The following CERT1 variants were observed in gnomAD, a reference collection of about 807,000 sequenced individuals.
CERT1 encodes the protein ceramide transporter 1.
A neutral mutation model predicts 87.9 loss-of-function variants in CERT1; 31 were observed. The observed-to-expected ratio is 0.35, with a 90% confidence interval of 0.27 to 0.48. CERT1 has a LOEUF of 0.48. Ranked by LOEUF, CERT1 falls within the 20% of genes least tolerant of loss-of-function variation. The pLI is 0.99. For missense variants in CERT1, 487 were observed against 758.0 expected (o/e 0.64, Z 4.20); for synonymous variants, 289 against 250.9 (o/e 1.15, Z -1.44).
chr5:75,507,889 C>T (rs1383117067), intron 1 of CERT1, among the ~76,000 whole-genome samples: 1 of 152,178 alleles, frequency 6.6e-6, no homozygotes, highest in African/African-American at 2.4e-5. Context: ...AGCTGCTCAT[C>T]TTTCCTTCAT....
At chr5:75,437,764 T>G (rs1480935897) in intron 3 of CERT1, among the ~76,000 whole-genome samples, 1 of 132,872 alleles carries the variant, frequency 7.5e-6, no homozygotes, top group Non-Finnish European at 1.6e-5. Context: ...AGACTCTGTC[T>G]CATTAAAAAA....
intron 11 of CERT1, among the ~76,000 whole-genome samples, chr5:75,397,389 A>T (rs2112070233): frequency 6.6e-6 from 1 of 152,316 alleles, no homozygotes; most frequent in South Asian, 2.1e-4. Flanking sequence ...TATTACGAAG[A>T]AGTAAGCTGT....
rs1398914267 is a variant in CERT1, at chr5:75,511,434, C to T, written c.-227G>A. On this transcript the variant is annotated 5_prime_UTR_variant, in exon 1 of 17. Transcript: ENST00000643780. ...GAGCGGTGAAGGAAGCCTACCCTTC[C>T]AGCCGTCAGCCGCCGCCGCCGTCGC... The T allele has an allele frequency of 6.5e-7, 1 of 1,537,892 alleles. No individual in the cohort carries two copies. Among genetic ancestry groups the T allele is most frequent in the East Asian group, 2.5e-5 (1 of 40,678 alleles).
intron 3 of CERT1, among the ~76,000 whole-genome samples, chr5:75,436,401 G>T (rs1050621157): frequency 1.3e-5 from 2 of 152,132 alleles, no homozygotes; most frequent in Admixed American, 6.5e-5. Context: ...ATCATGTTAG[G>T]TCCTTTACCT....
At position 75,384,695 on chromosome 5, in the gene CERT1, G is replaced by C; in HGVS notation, c.1435C>G (p.His479Asp). The change falls in exon 14 of 17, where the codon CAT (histidine) becomes GAT (aspartate). Residue 479 changes from histidine (H) to aspartate (D), a missense_variant. His to Asp is a moderately conservative substitution (Grantham distance 81). Transcript: ENST00000643780. ...TTATCAGCTAATGTTTCCACCACAT[G>C]AAAGTTTTCTATAGTTGCTGAAATG... The part of the protein sequence containing the change: ...NDWETTIENF[H>D]VVETLADNAI... 1 of 1,598,444 alleles carries C rather than the reference G, an allele frequency of 6.3e-7. No homozygotes were observed.
chr5:75,506,632 A>G (rs762963290), intron 1 of CERT1, among the ~76,000 whole-genome samples: 5 of 152,230 alleles, frequency 3.3e-5, no homozygotes, highest in Admixed American at 6.5e-5. Context: ...ATGAAAATTT[A>G]TAACAGCTGT....
chr5:75,501,694 T>C (rs1038936389), intron 2 of CERT1, among the ~76,000 whole-genome samples: 3 of 152,030 alleles, frequency 2.0e-5, no homozygotes, highest in African/African-American at 4.8e-5. Context: ...CTTAAATAAA[T>C]ATGGGACCGT....
chr5:75,403,172 C>T (rs1762567005), intron 8 of CERT1, 114 bp from the exon 9 acceptor site: 1 of 705,302 alleles, frequency 1.4e-6, no homozygotes, highest in Non-Finnish European at 2.5e-6. Context: ...TTATTGAACA[C>T]ATATTTACAA....
At chr5:75,433,755 C>T (rs1713576886) in intron 3 of CERT1, among the ~76,000 whole-genome samples, 1 of 152,154 alleles carries the variant, frequency 6.6e-6, no homozygotes, top group African/African-American at 2.4e-5. Context: ...CTCCTGGTCT[C>T]AAGTGATCCT....
intron 11 of CERT1, among the ~76,000 whole-genome samples, chr5:75,398,463 C>T (rs1256701356): frequency 1.3e-5 from 2 of 152,152 alleles, no homozygotes; most frequent in African/African-American, 4.8e-5. Context: ...TGGGATCATA[C>T]ACCTAACCAG....
intron 12 of CERT1, among the ~76,000 whole-genome samples, chr5:75,386,795 A>T (rs989882005): frequency 6.6e-6 from 1 of 152,186 alleles, no homozygotes; most frequent in Non-Finnish European, 1.5e-5. Context: ...CCGTTTTCCC[A>T]GCTACCCAAA....
chr5:75,385,807 A>C, intron 13 of CERT1, 95 bp downstream of exon 13: 1 of 959,654 alleles, frequency 1.0e-6, no homozygotes, highest in Non-Finnish European at 1.4e-6. Flanking sequence ...TTCTACGTTG[A>C]CTTTGTAAAC....
At chr5:75,377,275 G>T (rs1430559524), downstream of CERT1, 4 of 152,194 alleles carry the variant, frequency 2.6e-5, no homozygotes, top group African/African-American at 9.6e-5. Context: ...GGGACACAGG[G>T]ACTCCAATTC....
chr5:75,464,031 GTA>G (rs1765350565), intron 2 of CERT1, among the ~76,000 whole-genome samples: 1 of 152,088 alleles, frequency 6.6e-6, no homozygotes, highest in African/African-American at 2.4e-5. Context: ...TAAGACAAAT[GTA>G]ACTTTCTCAA....
intron 2 of CERT1, among the ~76,000 whole-genome samples, chr5:75,490,060 C>T (rs540962565): frequency 2.0e-4 from 31 of 152,174 alleles, no homozygotes; most frequent in Non-Finnish European, 4.0e-4. Context: ...CATGGATGAA[C>T]GTGGAAACCA....
At chr5:75,472,961 C>T (rs973446057) in intron 2 of CERT1, among the ~76,000 whole-genome samples, 6 of 152,118 alleles carry the variant, frequency 3.9e-5, no homozygotes, top group Non-Finnish European at 7.4e-5. Context: ...TCTGTACTTC[C>T]TACTTTTATT....
intron 3 of CERT1, among the ~76,000 whole-genome samples, chr5:75,431,591 T>C (rs934812362): frequency 6.6e-6 from 1 of 152,206 alleles, no homozygotes; most frequent in Non-Finnish European, 1.5e-5. Context: ...TGGACATAAA[T>C]TATTAGATAA....
At chr5:75,485,082 C>T (rs751820713) in intron 2 of CERT1, among the ~76,000 whole-genome samples, 11 of 152,014 alleles carry the variant, frequency 7.2e-5, no homozygotes, top group South Asian at 2.1e-4. Context: ...CTAAACAACA[C>T]GCTCCAGAAT....
At chr5:75,403,879 A>C (rs574352342) in intron 8 of CERT1, among the ~76,000 whole-genome samples, 1 of 152,330 alleles carries the variant, frequency 6.6e-6, no homozygotes, top group Non-Finnish European at 1.5e-5. Flanking sequence ...TGCAAGTGGA[A>C]CCTCAGCTGC....
Sources: gnomAD v4.1 joint callset for allele counts (sites outside exome capture counted in the v4.1 genomes callset) on GRCh38, gnomAD v4.1.1 for gene constraint, MANE v1.5 for transcripts, NCBI Gene and HGNC (gene_info 2026-07-23, HGNC 2026-07-21) for gene names.